PRR5L: variants seen among roughly 807,000 people sequenced by gnomAD.
PRR5L encodes the protein proline-rich protein 5-like.
A neutral mutation model predicts 36.4 loss-of-function variants in PRR5L; 21 were observed. The ratio of observed to expected loss-of-function variants is 0.58; its 90% CI spans 0.41 to 0.83. The LOEUF (loss-of-function observed/expected upper bound fraction) is 0.83, where lower values mean the gene tolerates loss of function less well. PRR5L is among the 40% of genes least tolerant of loss of function. The probability of loss-of-function intolerance (pLI) is 0.00; values close to 1 mark genes in which losing one functional copy is unlikely to be tolerated. For missense variants in PRR5L, 381 were observed against 473.3 expected (o/e 0.80, Z 1.81); for synonymous variants, 188 against 197.0 (o/e 0.95, Z 0.38).
At chr11:36,426,156 A>G (rs1263570348) in intron 4 of PRR5L, 1 of 152,260 alleles carries the variant, frequency 6.6e-6, no homozygotes, top group Non-Finnish European at 1.5e-5. Context: ...TGAATCTGTA[A>G]TGGATCCCAT....
intron 1 of PRR5L, among the ~76,000 whole-genome samples, chr11:36,372,468 T>G (rs1437258038): frequency 6.6e-6 from 1 of 152,204 alleles, no homozygotes; most frequent in Non-Finnish European, 1.5e-5. Context: ...GTGTTCAAAT[T>G]ATGTGGTTCC....
chr11:36,447,088 T>C (rs1406079968), intron 7 of PRR5L, among the ~76,000 whole-genome samples: 1 of 152,224 alleles, frequency 6.6e-6, no homozygotes, highest in African/African-American at 2.4e-5. Flanking sequence ...TCAATCCCAA[T>C]TCTAAATCAA....
At chr11:36,372,483 A>C (rs953921169) in intron 1 of PRR5L, among the ~76,000 whole-genome samples, 8 of 152,190 alleles carry the variant, frequency 5.3e-5, no homozygotes. Flanking sequence ...GGTTCCAAGC[A>C]AGGTTTTCTT....
rs1565406349 is a variant in PRR5L at position 36,350,942 on chromosome 11, A to ATATATT, written c.-125-50050_-125-50049insTTATAT. Among the ~76,000 whole-genome samples the ATATATT allele has an allele frequency of 1.7e-3, 51 of 29,678 alleles. 9 individuals carry two copies. The highest frequency in any genetic ancestry group is 7.5e-3 in the African/African-American group (43 of 5,770). 19.5% of individuals were successfully genotyped at this position (29,678 alleles called of 152,430 possible). A position where few individuals can be genotyped will look rare whatever the true frequency, so the allele number is the denominator to read the frequency against. ...TATTTATATATATTTATATATTTAT[A>ATATATT]TATATATATTTATATATATTTATAT... On this transcript the variant is annotated intron_variant, in intron 1 of 8. Coordinates refer to ENST00000530639, the MANE Select transcript of PRR5L (RefSeq NM_001160167.2).
chr11:36,298,424 T>C (rs72948105), intron 1 of PRR5L, among the ~76,000 whole-genome samples: 5,438 of 152,248 alleles, frequency 0.036, 152 homozygotes, highest in East Asian at 0.099. Flanking sequence ...AATTAGACAG[T>C]CCCATATGGG....
At chr11:36,444,100 C>T (rs955263417) in intron 6 of PRR5L, among the ~76,000 whole-genome samples, 1 of 152,180 alleles carries the variant, frequency 6.6e-6, no homozygotes, top group Non-Finnish European at 1.5e-5. Flanking sequence ...GTTTGAAACA[C>T]ACACACACAC....
chr11:36,351,715 A>G (rs376555939), intron 1 of PRR5L, among the ~76,000 whole-genome samples: 5 of 92,528 alleles, frequency 5.4e-5, no homozygotes, highest in Non-Finnish European at 1.1e-4. Context: ...ATTTATTTAT[A>G]TATTTATATA....
chr11:36,400,989 C>G lies in PRR5L; in HGVS notation c.-125-8C>G. The G allele has an allele frequency of 6.9e-7, 1 of 1,446,898 alleles. No individual in the cohort carries two copies. The highest frequency in any genetic ancestry group is 2.5e-5 in the East Asian group (1 of 40,076). 89.6% of individuals were successfully genotyped at this position (1,446,898 alleles called of 1,614,324 possible). A position where few individuals can be genotyped will look rare whatever the true frequency, so the allele number is the denominator to read the frequency against. On this transcript the variant is annotated splice_region_variant and splice_polypyrimidine_tract_variant and intron_variant, in intron 1 of 8. Transcript: ENST00000530639. ...GAGTTCTCAATAAAAGCTTCCCTCT[C>G]TTTTCAGGTGTTGGCTACGTTTGTG...
chr11:36,446,245 G>C, intron 6 of PRR5L, 55 bp from the exon 7 acceptor site: 4 of 1,595,548 alleles, frequency 2.5e-6, no homozygotes, highest in African/African-American at 1.3e-5. Context: ...CACATGGTCG[G>C]TGGCAGATTC....
In PRR5L at chr11:36,405,825, CT is replaced by C. The variant is rs546628348; in HGVS notation, c.245+2448del. Among the ~76,000 whole-genome samples the C allele has an allele frequency of 1.5e-3, 230 of 152,250 alleles. 1 individual carries two copies. The highest frequency in any genetic ancestry group is 5.3e-3 in the African/African-American group (220 of 41,544). On this transcript the variant is annotated intron_variant, in intron 3 of 8. Coordinates refer to ENST00000530639, the MANE Select transcript of PRR5L (RefSeq NM_001160167.2). ...CCTCTTCCCGACTGGAAGATGTGTACTGTGTGTACACATGACCTCTTTTGTA... is the reference window on the plus strand; with the variant it reads ...CCTCTTCCCGACTGGAAGATGTGTACGTGTGTACACATGACCTCTTTTGTA...
chr11:36,376,488 C>T, intron 1 of PRR5L: 6 of 1,080,132 alleles, frequency 5.6e-6, no homozygotes, highest in Non-Finnish European at 6.8e-6. Flanking sequence ...GGACGGGACC[C>T]CATCTGAGGG....
intron 3 of PRR5L, among the ~76,000 whole-genome samples, chr11:36,418,019 G>A (rs932493453): frequency 6.6e-6 from 1 of 152,196 alleles, no homozygotes; most frequent in Non-Finnish European, 1.5e-5. Context: ...GAAAAGGAGA[G>A]CTGGTGTCAA....
intron 1 of PRR5L, among the ~76,000 whole-genome samples, chr11:36,335,123 G>A (rs1856756210): frequency 6.6e-6 from 1 of 151,804 alleles, no homozygotes; most frequent in Non-Finnish European, 1.5e-5. Flanking sequence ...GTCTTACTCT[G>A]TGGCCCAGGC....
At chr11:36,382,664 T>C (rs1857390703) in intron 1 of PRR5L, among the ~76,000 whole-genome samples, 1 of 152,202 alleles carries the variant, frequency 6.6e-6, no homozygotes, top group Non-Finnish European at 1.5e-5. Flanking sequence ...GATAATTCTT[T>C]GTGGTGGGGG....
At chr11:36,461,175 C>A (rs7111402) in intron 8 of PRR5L, among the ~76,000 whole-genome samples, 2 of 152,032 alleles carry the variant, frequency 1.3e-5, no homozygotes, top group African/African-American at 2.4e-5. Flanking sequence ...ATCTATATGA[C>A]CTTGGGTAAG....
chr11:36,421,240 C>A (rs978557027), intron 4 of PRR5L, among the ~76,000 whole-genome samples: 1 of 152,092 alleles, frequency 6.6e-6, no homozygotes, highest in Non-Finnish European at 1.5e-5. Context: ...TGTCATTTGT[C>A]TTTTGGTGCT....
chr11:36,405,006 A>C (rs1267761716), intron 3 of PRR5L, among the ~76,000 whole-genome samples: 1 of 152,150 alleles, frequency 6.6e-6, no homozygotes, highest in Non-Finnish European at 1.5e-5. Flanking sequence ...TAGAAGTATA[A>C]ATAAATAAAA....
At chr11:36,353,418 A>T (rs1171701747) in intron 1 of PRR5L, among the ~76,000 whole-genome samples, 3 of 152,192 alleles carry the variant, frequency 2.0e-5, no homozygotes, top group Non-Finnish European at 4.4e-5. Flanking sequence ...TATTTTCCTA[A>T]TAATCTTGAG....
At chr11:36,318,141 C>T (rs1856576715) in intron 1 of PRR5L, among the ~76,000 whole-genome samples, 1 of 152,148 alleles carries the variant, frequency 6.6e-6, no homozygotes, top group South Asian at 2.1e-4. Context: ...ACGTTTGTAG[C>T]CTAGGAGCAA....
Sources: gnomAD v4.1 joint callset for allele counts (sites outside exome capture counted in the v4.1 genomes callset) on GRCh38, gnomAD v4.1.1 for gene constraint, MANE v1.5 for transcripts, NCBI Gene and HGNC (gene_info 2026-07-23, HGNC 2026-07-21) for gene names.